Variants in LRMDA observed in about 807,000 individuals in gnomAD.
LRMDA encodes leucine rich melanocyte differentiation associated.
A neutral mutation model predicts 29.8 loss-of-function variants in LRMDA; 18 were observed. The observed-to-expected ratio is 0.60, with a 90% CI of 0.42 to 0.90. The LOEUF is 0.90. Ranked by LOEUF, LRMDA falls within the 40% of genes least tolerant of loss-of-function variation. The pLI is 0.00. For missense variants in LRMDA, 273 were observed against 273.9 expected, an observed-to-expected ratio of 1.00 and a Z score of 0.02; for synonymous variants, 125 against 109.4, an observed-to-expected ratio of 1.14 and a Z score of -0.89.
At chr10:75,934,302 C>G (rs1846250779) in intron 2 of LRMDA, among the ~76,000 whole-genome samples, 1 of 152,070 alleles carries the variant, frequency 6.6e-6, no homozygotes, top group Admixed American at 6.5e-5. Context: ...TTCTGGGACA[C>G]TTTGGTAAAA....
chr10:76,365,067 T>TAC (rs1300218051), intron 6 of LRMDA, among the ~76,000 whole-genome samples: 1 of 39,860 alleles, frequency 2.5e-5, no homozygotes, highest in Non-Finnish European at 5.1e-5. Flanking sequence ...CCATCGTATA[T>TAC]ATATACACAC....
chr10:76,357,571 A>G (rs908350070), intron 6 of LRMDA, among the ~76,000 whole-genome samples: 2 of 152,132 alleles, frequency 1.3e-5, no homozygotes, highest in African/African-American at 4.8e-5. Flanking sequence ...TAAGCAAGGC[A>G]CTCTATATTG....
Position 76,557,496 on chromosome 10 carries a change from G to T in LRMDA, c.*208G>T. 1 of 595,192 alleles carries T rather than the reference G, an allele frequency of 1.7e-6. No individual in the cohort carries two copies. Among genetic ancestry groups the T allele is most frequent in the Non-Finnish European group, 3.0e-6 (1 of 335,972 alleles). The allele number at this position is 595,192 out of a possible 1,614,324, so 36.9% of individuals were successfully genotyped here. Reference sequence around the variant, plus strand: ...TAGACTGAGTGGTCACATAGAGATTGACATGATTGCCCTTAAGCAGGTCTC... The same window carrying T: ...TAGACTGAGTGGTCACATAGAGATTTACATGATTGCCCTTAAGCAGGTCTC... On this transcript the variant is annotated 3_prime_UTR_variant, in exon 7 of 7. Transcript: ENST00000611255.
chr10:75,632,197 G>A (rs1053371698), intron 2 of LRMDA, among the ~76,000 whole-genome samples: 1 of 152,120 alleles, frequency 6.6e-6, no homozygotes, highest in Admixed American at 6.5e-5. Context: ...TAGAGTCAGA[G>A]GGATATCAGC....
intron 2 of LRMDA, among the ~76,000 whole-genome samples, chr10:75,781,650 C>T (rs1253369356): frequency 6.6e-6 from 1 of 152,122 alleles, no homozygotes; most frequent in Non-Finnish European, 1.5e-5. Context: ...TGATACCCCT[C>T]ATGGATGATT....
intron 2 of LRMDA, among the ~76,000 whole-genome samples, chr10:75,863,353 G>A (rs1260536749): frequency 1.3e-5 from 2 of 152,140 alleles, no homozygotes; most frequent in African/African-American, 4.8e-5. Flanking sequence ...AATATATACT[G>A]TATCTATATT....
At position 75,493,011 on chromosome 10, in the gene LRMDA, T is replaced by C. The variant is rs79547010; in HGVS notation, c.131+54517T>C. Among the ~76,000 whole-genome samples, 228 of 152,348 alleles carry C rather than the reference T, an allele frequency of 1.5e-3. 4 individuals carry two copies. The highest frequency in any genetic ancestry group is 0.012 in the East Asian group (61 of 5,184). ...GCTGTAAAAGGGACAGTATTGTTCA[T>C]GGCCTCGGTAAAAGAAAATCTGAAT... On this transcript the variant is annotated intron_variant, in intron 2 of 6. Transcript: ENST00000611255.
At chr10:75,561,155 A>G (rs1589184571) in intron 2 of LRMDA, among the ~76,000 whole-genome samples, 1 of 151,670 alleles carries the variant, frequency 6.6e-6, no homozygotes, top group South Asian at 2.1e-4. Context: ...CTGTGAATCC[A>G]TCTGGTCCTG....
intron 2 of LRMDA, among the ~76,000 whole-genome samples, chr10:75,718,781 A>G (rs990133418): frequency 1.1e-4 from 16 of 152,216 alleles, no homozygotes; most frequent in African/African-American, 3.6e-4. Context: ...TTGAATACAT[A>G]AGAATAATGA....
chr10:75,785,030 C>T (rs368883937), intron 2 of LRMDA, among the ~76,000 whole-genome samples: 4 of 152,176 alleles, frequency 2.6e-5, no homozygotes, highest in South Asian at 2.1e-4. Flanking sequence ...CCACGTCAAT[C>T]GCTGCTTGTG....
chr10:75,759,864 A>G (rs1405049751), intron 2 of LRMDA, among the ~76,000 whole-genome samples: 1 of 152,208 alleles, frequency 6.6e-6, no homozygotes, highest in African/African-American at 2.4e-5. Flanking sequence ...TTACCCTATA[A>G]TATTGGAGCC....
intron 6 of LRMDA, among the ~76,000 whole-genome samples, chr10:76,366,877 T>G (rs1046833002): frequency 4.6e-5 from 7 of 152,222 alleles, no homozygotes; most frequent in Admixed American, 6.5e-5. Context: ...CAGTATTATG[T>G]TGGCTGTCAG....
chr10:75,788,747 G>GCCAC (rs1396081903), intron 2 of LRMDA, among the ~76,000 whole-genome samples: 4 of 152,202 alleles, frequency 2.6e-5, no homozygotes, highest in Non-Finnish European at 5.9e-5. Context: ...TTGGTGCATT[G>GCCAC]CCACACAGAA....
chr10:76,351,029 A>C lies in LRMDA; in HGVS notation c.601+26544A>C, dbSNP rs762810317. ...ATTTAAAGTCAGCAGAGAATTATAA[A>C]GTCAAACGTGAAAAATGGTACAACA... On this transcript the variant is annotated intron_variant, in intron 6 of 6. Transcript: ENST00000611255. Among the ~76,000 whole-genome samples the C allele has an allele frequency of 2.0e-5, 3 of 152,154 alleles. No individual in the cohort carries two copies. The East Asian group carries it at 5.8e-4, about 29-fold the overall frequency.
At chr10:75,816,669 A>G (rs1171487862) in intron 2 of LRMDA, among the ~76,000 whole-genome samples, 1 of 152,242 alleles carries the variant, frequency 6.6e-6, no homozygotes, top group East Asian at 1.9e-4. Context: ...ACAGAAGCCC[A>G]TTCAATGTTG....
At chr10:76,434,654 G>A (rs1842227121) in intron 6 of LRMDA, among the ~76,000 whole-genome samples, 1 of 152,134 alleles carries the variant, frequency 6.6e-6, no homozygotes, top group Non-Finnish European at 1.5e-5. Flanking sequence ...GTGCCACTGA[G>A]CATTTACCAT....
At chr10:75,695,634 G>A (rs1225715195) in intron 2 of LRMDA, among the ~76,000 whole-genome samples, 2 of 152,094 alleles carry the variant, frequency 1.3e-5, no homozygotes, top group Admixed American at 1.3e-4. Context: ...CAGAGTCCAG[G>A]CAGGAGGTGG....
chr10:76,102,189 G>A (rs764413879), intron 5 of LRMDA, among the ~76,000 whole-genome samples: 2 of 151,910 alleles, frequency 1.3e-5, no homozygotes, highest in Non-Finnish European at 1.5e-5. Flanking sequence ...TGGACGTTTG[G>A]GTGTTTCCAT....
At chr10:76,339,716 C>G (rs1841014072) in intron 6 of LRMDA, among the ~76,000 whole-genome samples, 1 of 151,812 alleles carries the variant, frequency 6.6e-6, no homozygotes, top group South Asian at 2.1e-4. Context: ...CCCCACAAAG[C>G]TATTGAGCTT....
Sources: allele counts gnomAD v4.1 joint callset (sites outside exome capture counted in the v4.1 genomes callset), GRCh38; gene constraint gnomAD v4.1.1; transcripts MANE v1.5; gene names NCBI Gene and HGNC (gene_info 2026-07-23, HGNC 2026-07-21).